The following CACNA2D3 variants were observed in gnomAD, a reference collection of about 807,000 sequenced individuals.
CACNA2D3 encodes the protein voltage-dependent calcium channel subunit alpha-2/delta-3.
A neutral mutation model predicts 160.6 loss-of-function variants in CACNA2D3; 60 were observed. The ratio of observed to expected loss-of-function variants is 0.37; its 90% CI spans 0.30 to 0.46. The LOEUF (loss-of-function observed/expected upper bound fraction) is 0.46. Among genes scored for constraint, CACNA2D3 ranks in the 20% least tolerant of loss-of-function variants. The pLI is 1.00. For missense variants in CACNA2D3, 1,205 were observed against 1,365.0 expected (o/e 0.88, Z 1.85); for synonymous variants, 558 against 492.9 (o/e 1.13, Z -1.75).
intron 11 of CACNA2D3, among the ~76,000 whole-genome samples, chr3:54,659,785 G>A (rs1000707235): frequency 3.3e-5 from 5 of 152,088 alleles, no homozygotes; most frequent in African/African-American, 4.8e-5. Flanking sequence ...TTATCTCTGC[G>A]GTGTTTGTCT....
intron 2 of CACNA2D3, among the ~76,000 whole-genome samples, chr3:54,258,353 T>A (rs1264754090): frequency 6.6e-6 from 1 of 152,170 alleles, no homozygotes; most frequent in Non-Finnish European, 1.5e-5. Context: ...GTGACCCAAG[T>A]AAATGAGAGT....
chr3:54,559,323 A>G (rs1203845747), intron 5 of CACNA2D3, among the ~76,000 whole-genome samples: 1 of 151,884 alleles, frequency 6.6e-6, no homozygotes. Context: ...GTTGAGACTG[A>G]GGCTTGCTCT....
At chr3:54,708,777 A>G (rs1000623352) in intron 11 of CACNA2D3, among the ~76,000 whole-genome samples, 2 of 152,200 alleles carry the variant, frequency 1.3e-5, no homozygotes, top group African/African-American at 4.8e-5. Context: ...GACCCTGACA[A>G]GCCTTGACAG....
intron 27 of CACNA2D3, among the ~76,000 whole-genome samples, chr3:54,962,103 G>A (rs1234360958): frequency 2.0e-5 from 3 of 152,022 alleles, no homozygotes; most frequent in Admixed American, 1.3e-4. Flanking sequence ...CCATTCATGA[G>A]GACAGAGTCC....
chr3:54,327,535 G>A (rs1014985808), intron 3 of CACNA2D3, among the ~76,000 whole-genome samples: 1 of 152,138 alleles, frequency 6.6e-6, no homozygotes, highest in Non-Finnish European at 1.5e-5. Flanking sequence ...TGGACTAAAC[G>A]CTTTCCATTT....
Position 54,904,870 on chromosome 3 carries a change from A to G in CACNA2D3, c.2449+5002A>G, listed in dbSNP as rs113857101. On this transcript the variant is annotated intron_variant, in intron 27 of 37. Transcript: ENST00000474759. ...AAACTCCAGTCCATACTATAGTAATATGATATTGATCAATATGAATATTTT... is the reference window on the plus strand; with the variant it reads ...AAACTCCAGTCCATACTATAGTAATGTGATATTGATCAATATGAATATTTT... 3.9e-3 allele frequency among the ~76,000 whole-genome samples: 591 copies of G among 152,332 alleles called. 5 individuals are homozygous for G. Among genetic ancestry groups the G allele is most frequent in the African/African-American group, 0.013 (542 of 41,572 alleles).
intron 29 of CACNA2D3, among the ~76,000 whole-genome samples, chr3:54,982,803 G>A (rs1424089958): frequency 2.0e-5 from 3 of 151,582 alleles, no homozygotes; most frequent in Admixed American, 6.6e-5. Context: ...TGACATTGCC[G>A]TGACATTTCT....
At chr3:54,296,746 A>C (rs961262823) in intron 2 of CACNA2D3, among the ~76,000 whole-genome samples, 1 of 152,210 alleles carries the variant, frequency 6.6e-6, no homozygotes, top group African/African-American at 2.4e-5. Context: ...ATTAGGTTTC[A>C]AGCTTCATCT....
At chr3:54,392,550 G>C (rs1379732061) in intron 4 of CACNA2D3, among the ~76,000 whole-genome samples, 1 of 152,196 alleles carries the variant, frequency 6.6e-6, no homozygotes, top group Admixed American at 6.5e-5. Flanking sequence ...GTGACATTCA[G>C]AGGGATAACA....
intron 4 of CACNA2D3, among the ~76,000 whole-genome samples, chr3:54,441,310 C>T (rs1575456458): frequency 6.6e-6 from 1 of 152,274 alleles, no homozygotes; most frequent in African/African-American, 2.4e-5. Context: ...TGTTCATATC[C>T]TTCACCCACT....
intron 27 of CACNA2D3, among the ~76,000 whole-genome samples, chr3:54,938,886 G>T (rs1288080656): frequency 6.6e-6 from 1 of 152,078 alleles, no homozygotes; most frequent in African/African-American, 2.4e-5. Flanking sequence ...TGTGCCATGG[G>T]CAGTGGACAT....
At chr3:54,573,360 A>T (rs1042471439) in intron 8 of CACNA2D3, among the ~76,000 whole-genome samples, 1 of 152,234 alleles carries the variant, frequency 6.6e-6, no homozygotes, top group African/African-American at 2.4e-5. Context: ...TTGCTTTTTA[A>T]TGTAGGCAAT....
At chr3:54,803,513 TAAAAAG>T (rs1192263008) in intron 13 of CACNA2D3, among the ~76,000 whole-genome samples, 2 of 151,964 alleles carry the variant, frequency 1.3e-5, no homozygotes, top group Non-Finnish European at 2.9e-5. Context: ...GAAAAAAGAA[TAAAAAG>T]AAACGAACAA....
chr3:54,216,134 CGT>C (rs35251785), intron 2 of CACNA2D3, among the ~76,000 whole-genome samples: 438 of 149,306 alleles, frequency 2.9e-3, no homozygotes, highest in Admixed American at 4.5e-3. Context: ...TTTAGTTGTA[CGT>C]GTGTGTGTGT....
chr3:54,123,904 A>G (rs1699532080), intron 2 of CACNA2D3, among the ~76,000 whole-genome samples: 1 of 152,188 alleles, frequency 6.6e-6, no homozygotes, highest in African/African-American at 2.4e-5. Context: ...GTGCCAGAGC[A>G]GATGCTCCTC....
intron 16 of CACNA2D3, 44 bp from the exon 17 acceptor site, chr3:54,846,349 A>G: frequency 2.3e-6 from 3 of 1,317,584 alleles, no homozygotes; most frequent in African/African-American, 1.4e-5. Flanking sequence ...TGAATTCACC[A>G]GGGAGCAAGC....
At chr3:54,320,333 T>G in intron 2 of CACNA2D3, 109 bp from the exon 3 acceptor site, 1 of 550,518 alleles carries the variant, frequency 1.8e-6, no homozygotes, top group South Asian at 2.8e-5. Flanking sequence ...GAAGCAGTCA[T>G]GGTGTAATTT....
At chr3:54,912,388 T>C (rs1166984776) in intron 27 of CACNA2D3, among the ~76,000 whole-genome samples, 2 of 152,150 alleles carry the variant, frequency 1.3e-5, no homozygotes, top group Admixed American at 6.6e-5. Context: ...TGCCACAACC[T>C]GTAAGTCCTA....
At chr3:54,606,675 T>C (rs1306044156) in intron 9 of CACNA2D3, among the ~76,000 whole-genome samples, 1 of 152,110 alleles carries the variant, frequency 6.6e-6, no homozygotes, top group Non-Finnish European at 1.5e-5. Flanking sequence ...TCCCGCTCGC[T>C]CCATTCCAGC....
Sources: gnomAD v4.1 joint callset for allele counts (sites outside exome capture counted in the v4.1 genomes callset) on GRCh38, gnomAD v4.1.1 for gene constraint, MANE v1.5 for transcripts, NCBI Gene and HGNC (gene_info 2026-07-23, HGNC 2026-07-21) for gene names.